Variants in KCNG4 observed in about 807,000 individuals in gnomAD.
KCNG4 encodes voltage-gated potassium channel regulatory subunit KCNG4.
Under a neutral mutation model 28.2 loss-of-function variants are expected in KCNG4, and 30 were observed. That is an observed-to-expected ratio of 1.06 (90% CI 0.80 to 1.44). The LOEUF is 1.44. Ranked by LOEUF, KCNG4 falls within the 40% of genes most tolerant of loss-of-function variation. The probability of loss-of-function intolerance (pLI) is 0.00; values close to 1 mark genes in which losing one functional copy is unlikely to be tolerated. For missense variants in KCNG4, 879 were observed against 712.3 expected, an observed-to-expected ratio of 1.23 and a Z score of -2.66; for synonymous variants, 375 against 315.5, an observed-to-expected ratio of 1.19 and a Z score of -2.00.
intron 1 of KCNG4, among the ~76,000 whole-genome samples, chr16:84,238,712 A>T (rs1905035122): frequency 6.6e-6 from 1 of 152,156 alleles, no homozygotes; most frequent in Admixed American, 6.6e-5. Context: ...TACTAAAAAT[A>T]CAAAAATTAG....
intron 2 of KCNG4, chr16:84,235,395 T>C (rs1904922605): frequency 6.6e-6 from 1 of 152,156 alleles, no homozygotes. Context: ...ACATAAATAT[T>C]TCTGTGAACA....
rs143245506 is a variant in KCNG4 at position 84,222,346 on chromosome 16, G to T, written c.1431C>A (p.His477Gln). 10 of 1,614,044 alleles carry T rather than the reference G, an allele frequency of 6.2e-6. No homozygotes were observed. The highest frequency in any genetic ancestry group is 1.6e-4 in the Middle Eastern group (1 of 6,084). ...EQEQLQARLR[H>Q]LQNTGPASEC... ...CACTGGCTGGACCGGTGTTTTGGAG[G>T]TGGCGGAGGCGGGCCTGAAGCTGCT... The change falls in exon 3 of 3, where the codon CAC becomes CAA. Residue 477 changes from histidine to glutamine, a missense_variant. His to Gln is a conservative substitution (Grantham distance 24). Transcript: ENST00000308251.
Position 84,236,862 on chromosome 16 carries a change from G to A in KCNG4, c.624C>T (p.Arg208=), listed in dbSNP as rs750721607. The A allele has an allele frequency of 2.4e-5, 38 of 1,613,472 alleles. No individual in the cohort carries two copies. The highest frequency in any genetic ancestry group is 1.6e-4 in the Middle Eastern group (1 of 6,062). The stretch of plus-strand genomic sequence containing the variant: ...CGGACTGCGGGTTTTCCACCATCTC[G>A]CGCAGCCGGTTCATGCACAGGCCCC... The part of the protein sequence containing the change: ...SRWGLCMNRL[R]EMVENPQSGL... Residue 208 remains arginine, a synonymous_variant, in exon 2 of 3, where the codon CGC becomes CGT. Transcript: ENST00000308251.
Position 84,236,676 on chromosome 16 carries a change from T to G in KCNG4, c.756+54A>C, listed in dbSNP as rs751225752. The G allele has an allele frequency of 4.6e-6, 7 of 1,533,108 alleles. No individual in the cohort carries two copies. In the Admixed American group the frequency reaches 5.9e-5, roughly 13 times the overall value. 95.0% of individuals were successfully genotyped at this position (1,533,108 alleles called of 1,614,324 possible). ...TTTTCTTGGGCCCCTAAAAGACATC[T>G]CCGCCCAGGCACCCTGCGGGATGGA... is the stretch of plus-strand genomic sequence containing the variant. On this transcript the variant is annotated intron_variant, in intron 2 of 2. Coordinates refer to ENST00000308251, the MANE Select transcript of KCNG4 (RefSeq NM_172347.3).
At position 84,226,482 on chromosome 16, in the gene KCNG4, C is replaced by T. The variant is rs1008828693; in HGVS notation, c.757-3462G>A. ...TTCTACACCTAGGATTTGTGCATTT[C>T]AGTGTATGTACATTTCACCTGTAAA... On this transcript the variant is annotated intron_variant, in intron 2 of 2. Coordinates refer to ENST00000308251, the MANE Select transcript of KCNG4 (RefSeq NM_172347.3). The surrounding 1 kb of genome is among the most constrained non-coding windows in gnomAD (Gnocchi z 4.1). Among the ~76,000 whole-genome samples, 5 of 152,246 alleles carry T rather than the reference C, an allele frequency of 3.3e-5. No individual in the cohort carries two copies. Among genetic ancestry groups the T allele is most frequent in the African/African-American group, 1.2e-4 (5 of 41,518 alleles).
chr16:84,231,219 T>C (rs1222517251), intron 2 of KCNG4, among the ~76,000 whole-genome samples: 3 of 152,096 alleles, frequency 2.0e-5, no homozygotes, highest in African/African-American at 7.2e-5. Flanking sequence ...TCCTCTTTGC[T>C]GGGTGAGGAA....
intron 2 of KCNG4, among the ~76,000 whole-genome samples, chr16:84,228,250 C>G (rs968608585): frequency 9.2e-5 from 14 of 152,206 alleles, no homozygotes; most frequent in African/African-American, 3.4e-4. Context: ...CTCGCCCCCT[C>G]TGTCCCTCCC....
intron 2 of KCNG4, among the ~76,000 whole-genome samples, chr16:84,228,615 C>A (rs906429650): frequency 6.6e-6 from 1 of 152,194 alleles, no homozygotes. Context: ...GCCACCCCCC[C>A]GCCCACTCCT....
rs368596849 is a variant in KCNG4, at chr16:84,226,252, C to A, written c.757-3232G>T. ...TGAATCCCACAGGCATGATGTGGAG[C>A]AAAGCAAGCCGGGTGTGTGTTTCCA... On this transcript the variant is annotated intron_variant, in intron 2 of 2. Coordinates refer to ENST00000308251, the MANE Select transcript of KCNG4 (RefSeq NM_172347.3). This position sits in a 1 kb window ranked among gnomAD's most constrained non-coding sequence, Gnocchi z 4.1. 7.9e-5 allele frequency among the ~76,000 whole-genome samples: 12 copies of A among 152,248 alleles called. No individual in the cohort carries two copies. The highest frequency in any genetic ancestry group is 2.6e-4 in the African/African-American group (11 of 41,538).
In KCNG4 at chr16:84,222,571, G is replaced by A. The variant is rs1012815633; in HGVS notation, c.1206C>T (p.Phe402=). ...AEKESGRVLE[F]TSIPASYWWA... is the part of the protein sequence containing the mutation. ...ACCAATAGGAGGCGGGGATGCTGGTGAACTCCAGCACCCGCCCGGACTCCT... is the reference window on the plus strand; with the variant it reads ...ACCAATAGGAGGCGGGGATGCTGGTAAACTCCAGCACCCGCCCGGACTCCT... The change falls in exon 3 of 3, where the codon TTC becomes TTT. Residue 402 remains phenylalanine (F), a synonymous_variant. Transcript: ENST00000308251. 6.2e-7 allele frequency: 1 copy of A among 1,613,238 alleles called. No homozygotes were observed. Among genetic ancestry groups the A allele is most frequent in the African/African-American group, 1.3e-5 (1 of 74,940 alleles).
In KCNG4 at chr16:84,239,851, C is replaced by G. The variant is rs1392963862; in HGVS notation, c.-222G>C. 5 of 152,060 alleles carry G rather than the reference C, an allele frequency of 3.3e-5. 1 individual carries two copies. The highest frequency in any genetic ancestry group is 1.3e-4 in the Admixed American group (2 of 15,262). 9.4% of individuals were successfully genotyped at this position (152,060 alleles called of 1,614,324 possible). A position where few individuals can be genotyped will look rare whatever the true frequency, so the allele number is the denominator to read the frequency against. On this transcript the variant is annotated 5_prime_UTR_variant, in exon 1 of 3. Transcript: ENST00000308251. Reference sequence around the variant, plus strand: ...TTCTTCCCGTGCCTCCTCCAGAAACCAGAAGTTCATTCATTCTGCATCTCT... The same window carrying G: ...TTCTTCCCGTGCCTCCTCCAGAAACGAGAAGTTCATTCATTCTGCATCTCT...
At chr16:84,236,677 C>G (rs1904957921) in intron 2 of KCNG4, 53 bp downstream of exon 2, 1 of 1,534,510 alleles carries the variant, frequency 6.5e-7, no homozygotes, top group Non-Finnish European at 8.8e-7. Flanking sequence ...AAAGACATCT[C>G]CGCCCAGGCA....
intron 2 of KCNG4, among the ~76,000 whole-genome samples, chr16:84,233,522 G>A (rs1232712168): frequency 1.3e-5 from 2 of 152,106 alleles, no homozygotes; most frequent in Non-Finnish European, 2.9e-5. Flanking sequence ...GGGCAACATG[G>A]GGAAACCCTG....
intron 2 of KCNG4, among the ~76,000 whole-genome samples, chr16:84,228,062 G>T (rs1904736843): frequency 6.6e-6 from 1 of 152,246 alleles, no homozygotes; most frequent in Non-Finnish European, 1.5e-5. Context: ...GGGGAGGCAG[G>T]AAGTGGAAGT....
chr16:84,230,278 G>A (rs554423279), intron 2 of KCNG4, among the ~76,000 whole-genome samples: 99 of 152,128 alleles, frequency 6.5e-4, no homozygotes, highest in African/African-American at 2.2e-3. Context: ...GGTGGTGGGC[G>A]CCTGTAGTTC....
At position 84,222,283 on chromosome 16, in the gene KCNG4, A is replaced by T; in HGVS notation, c.1494T>A (p.His498Gln). Residue 498 changes from histidine (H) to glutamine (Q), a missense_variant, in exon 3 of 3, where the codon CAT (histidine) becomes CAA (glutamine). By Grantham distance (24) the His-to-Gln change is conservative. Transcript: ENST00000308251. ...GGTCATTGACATCGTTCATGAGCTCATGTTCACTGGCCACATGGGGGTCCA... is the reference window on the plus strand; with the variant it reads ...GGTCATTGACATCGTTCATGAGCTCTTGTTCACTGGCCACATGGGGGTCCA... ...ELLDPHVASEHELMNDVNDLI... is the reference protein window; with the variant it reads ...ELLDPHVASEQELMNDVNDLI... 1 of 1,614,188 alleles carries T rather than the reference A, an allele frequency of 6.2e-7. No individual in the cohort carries two copies. Among genetic ancestry groups the T allele is most frequent in the South Asian group, 1.1e-5 (1 of 91,078 alleles).
chr16:84,225,236 G>A (rs1904670712), intron 2 of KCNG4, among the ~76,000 whole-genome samples: 1 of 151,750 alleles, frequency 6.6e-6, no homozygotes, highest in South Asian at 2.1e-4. Context: ...GACTGCCCAG[G>A]GTTTGCTTCA....
chr16:84,231,837 C>G (rs1904834356), intron 2 of KCNG4, among the ~76,000 whole-genome samples: 1 of 151,958 alleles, frequency 6.6e-6, no homozygotes, highest in South Asian at 2.1e-4. Flanking sequence ...AACCTCATCT[C>G]TACTAAAAAT....
intron 2 of KCNG4, among the ~76,000 whole-genome samples, chr16:84,234,517 C>A (rs1904898384): frequency 6.6e-6 from 1 of 152,132 alleles, no homozygotes. Context: ...GACCTTTTAC[C>A]CCACTATCAG....
Sources: gnomAD v4.1 joint callset for allele counts (sites outside exome capture counted in the v4.1 genomes callset) on GRCh38, gnomAD v4.1.1 for gene constraint, Gnocchi (gnomAD v3.1) non-coding constraint, MANE v1.5 for transcripts, NCBI Gene and HGNC (gene_info 2026-07-23, HGNC 2026-07-21) for gene names.